Variants in CDIP1 observed in about 807,000 individuals in gnomAD.
CDIP1 encodes the protein cell death-inducing p53-target protein 1.
Under a neutral mutation model 17.7 loss-of-function variants are expected in CDIP1, and 9 were observed. The observed-to-expected ratio is 0.51, with a 90% CI of 0.31 to 0.89. CDIP1 has a LOEUF of 0.89. CDIP1 is among the 40% of genes least tolerant of loss of function. The pLI is 0.05. For synonymous variants in CDIP1, 117 were observed against 109.5 expected, an observed-to-expected ratio of 1.07 and a Z score of -0.43; for missense variants, 263 against 277.9, an observed-to-expected ratio of 0.95 and a Z score of 0.38.
At chr16:4,517,088 C>A (rs1423237754) in intron 1 of CDIP1, among the ~76,000 whole-genome samples, 1 of 152,108 alleles carries the variant, frequency 6.6e-6, no homozygotes, top group Non-Finnish European at 1.5e-5. Context: ...CACCTCTGTC[C>A]ACCGCTCTTT....
At chr16:4,527,171 T>C (rs1354120364) in intron 1 of CDIP1, among the ~76,000 whole-genome samples, 2 of 150,592 alleles carry the variant, frequency 1.3e-5, no homozygotes, top group African/African-American at 4.9e-5. Context: ...CACTGCAAGC[T>C]CCGCCTCCTG....
At chr16:4,526,398 C>T (rs947040627) in intron 1 of CDIP1, among the ~76,000 whole-genome samples, 2 of 151,298 alleles carry the variant, frequency 1.3e-5, no homozygotes. Flanking sequence ...GTCTGAGAAT[C>T]TGTCTCAAAA....
At position 4,513,839 on chromosome 16, in the gene CDIP1, G is replaced by A. The variant is rs1302821847; in HGVS notation, c.98C>T (p.Pro33Leu). Residue 33 changes from proline (P) to leucine (L), a missense_variant, in exon 4 of 6, where the codon CCA (proline) becomes CTA (leucine). Pro to Leu is a moderately conservative substitution (Grantham distance 98). Coordinates refer to ENST00000567695, the MANE Select transcript of CDIP1 (RefSeq NM_013399.3). This position sits in a 1 kb window ranked among gnomAD's most constrained non-coding sequence, Gnocchi z 4.1. The stretch of plus-strand genomic sequence containing the variant: ...GCCTGGAGGGGGCTGCATCACAGCT[G>A]GGGAGGAACGGCCTGGACAGAGAGA... ...GAPPTPGRSSPAVMQPPPGMP... is the reference protein window; with the variant it reads ...GAPPTPGRSSLAVMQPPPGMP... 1.3e-6 allele frequency: 2 copies of A among 1,582,254 alleles called. No homozygotes were observed. The highest frequency in any genetic ancestry group is 1.2e-5 in the South Asian group (1 of 85,638).
At chr16:4,525,119 A>C (rs1005241020) in intron 1 of CDIP1, among the ~76,000 whole-genome samples, 4 of 151,974 alleles carry the variant, frequency 2.6e-5, no homozygotes, top group African/African-American at 4.8e-5. Context: ...ACAAAAATAT[A>C]TCTCTACAGT....
rs2270367 is a variant in CDIP1, at chr16:4,512,724, G to A, written c.516-41C>T. ...GGAAGAACAGGCTGAGGCCTGCTGC[G>A]GAGGAGGCAGAGGCAGCCAGTTGAC... On this transcript the variant is annotated intron_variant, in intron 5 of 5. Coordinates refer to ENST00000567695, the MANE Select transcript of CDIP1 (RefSeq NM_013399.3). The surrounding 1 kb of genome is among the most constrained non-coding windows in gnomAD (Gnocchi z 4.6). The A allele has an allele frequency of 0.066, 105,302 of 1,605,032 alleles. 6,219 individuals are homozygous for A. Among genetic ancestry groups the A allele is most frequent in the East Asian group, 0.3 (13,243 of 44,678 alleles).
rs2058865763 is a variant in CDIP1, at chr16:4,514,235, A to G, written c.-14-91T>C. Reference sequence around the variant, plus strand: ...TGTGGGGTGGCCAAGATGCTGCACAAGGCGTGTGACCATCCTCAGAAGGGT... The same window carrying G: ...TGTGGGGTGGCCAAGATGCTGCACAGGGCGTGTGACCATCCTCAGAAGGGT... On this transcript the variant is annotated intron_variant, in intron 2 of 5. Coordinates refer to ENST00000567695, the MANE Select transcript of CDIP1 (RefSeq NM_013399.3). The surrounding 1 kb of genome is among the most constrained non-coding windows in gnomAD (Gnocchi z 5.2). The G allele has an allele frequency of 2.8e-6, 2 of 722,668 alleles. No homozygotes were observed. 44.8% of individuals were successfully genotyped at this position (722,668 alleles called of 1,614,324 possible).
In CDIP1 at chr16:4,513,712, G is replaced by T. The variant is rs747970511; in HGVS notation, c.225C>A (p.Gly75=). The stretch of plus-strand genomic sequence containing the variant: ...CCCACTCACCCGGAGGCATGTAGGT[G>T]CCATCTGCACTCATGTGTGGTGGGA... ...GFIPPHMSAD[G]TYMPPGFYPP... The change falls in exon 4 of 6, where the codon GGC becomes GGA. Residue 75 remains glycine, a synonymous_variant. Coordinates refer to ENST00000567695, the MANE Select transcript of CDIP1 (RefSeq NM_013399.3). This position sits in a 1 kb window ranked among gnomAD's most constrained non-coding sequence, Gnocchi z 4.1. 35 of 1,613,516 alleles carry T rather than the reference G, an allele frequency of 2.2e-5. No homozygotes were observed. Among genetic ancestry groups the T allele is most frequent in the Non-Finnish European group, 3.0e-5 (35 of 1,179,738 alleles).
chr16:4,524,680 C>T (rs2058982069), intron 1 of CDIP1, among the ~76,000 whole-genome samples: 1 of 152,238 alleles, frequency 6.6e-6, no homozygotes, highest in Non-Finnish European at 1.5e-5. Context: ...GTGCCTAGGA[C>T]AGCCATGGGA....
intron 1 of CDIP1, among the ~76,000 whole-genome samples, chr16:4,526,508 G>C (rs2059002203): frequency 6.6e-6 from 1 of 151,836 alleles, no homozygotes; most frequent in Non-Finnish European, 1.5e-5. Context: ...GGCCATCCTG[G>C]CTAACATGGT....
At chr16:4,531,191 G>A (rs911230873) in intron 1 of CDIP1, among the ~76,000 whole-genome samples, 1 of 151,962 alleles carries the variant, frequency 6.6e-6, no homozygotes, top group Non-Finnish European at 1.5e-5. Context: ...ACCACACCCA[G>A]CTAGTTTTTT....
chr16:4,536,874 G>A (rs2059112494), intron 1 of CDIP1: 1 of 152,010 alleles, frequency 6.6e-6, no homozygotes, highest in Admixed American at 6.6e-5. Flanking sequence ...AGGCTGCAGT[G>A]AACGTCGTGA....
At chr16:4,530,373 G>A (rs2059042782) in intron 1 of CDIP1, among the ~76,000 whole-genome samples, 1 of 152,180 alleles carries the variant, frequency 6.6e-6, no homozygotes, top group Non-Finnish European at 1.5e-5. Context: ...ATATAGACTG[G>A]GTGCAGTGGC....
At chr16:4,516,645 C>T (rs993167571) in intron 1 of CDIP1, among the ~76,000 whole-genome samples, 1 of 151,046 alleles carries the variant, frequency 6.6e-6, no homozygotes, top group East Asian at 1.9e-4. Context: ...GGAGCAACTG[C>T]GCCCAGCCCA....
intron 1 of CDIP1, among the ~76,000 whole-genome samples, chr16:4,524,481 G>A (rs577719889): frequency 1.3e-5 from 2 of 152,340 alleles, no homozygotes; most frequent in South Asian, 2.1e-4. Flanking sequence ...CTTTCTTAGA[G>A]TGACAAAGCT....
intron 1 of CDIP1, among the ~76,000 whole-genome samples, chr16:4,526,383 C>T (rs1292498269): frequency 6.6e-5 from 10 of 151,742 alleles, no homozygotes; most frequent in Non-Finnish European, 1.3e-4. Flanking sequence ...CCAGCCCGGG[C>T]AATAGTCTGA....
intron 1 of CDIP1, among the ~76,000 whole-genome samples, chr16:4,521,791 G>T (rs1418172492): frequency 1.3e-5 from 2 of 151,376 alleles, no homozygotes; most frequent in Admixed American, 1.3e-4. Flanking sequence ...CTTTCCAGCT[G>T]AGCGAGCTGA....
At position 4,527,090 on chromosome 16, in the gene CDIP1, C is replaced by CTT. The variant is rs760461374; in HGVS notation, c.-105+11610_-105+11611dup. The stretch of plus-strand genomic sequence containing the variant: ...CACGAGAAAAAAGAAGACACTGTTA[C>CTT]TTTTTTTTTTTTTTTTAGACGGAGT... On this transcript the variant is annotated intron_variant, in intron 1 of 5. Transcript: ENST00000567695. Among the ~76,000 whole-genome samples, 539 of 140,404 alleles carry CTT rather than the reference C, an allele frequency of 3.8e-3. 10 individuals are homozygous for CTT. Among genetic ancestry groups the CTT allele is most frequent in the African/African-American group, 0.013 (505 of 38,414 alleles). The allele number at this position is 140,404 out of a possible 152,430, so 92.1% of individuals were successfully genotyped here. A position where few individuals can be genotyped will look rare whatever the true frequency, so the allele number is the denominator to read the frequency against.
chr16:4,514,060 G>T lies in CDIP1; in HGVS notation c.71C>A (p.Ala24Asp). Residue 24 changes from alanine to aspartate, a missense_variant, in exon 3 of 6, where the codon GCC becomes GAC. Ala to Asp is a moderately radical substitution (Grantham distance 126, BLOSUM62 -2). Coordinates refer to ENST00000567695, the MANE Select transcript of CDIP1 (RefSeq NM_013399.3). This position sits in a 1 kb window ranked among gnomAD's most constrained non-coding sequence, Gnocchi z 5.2. ...TAPLLEEKSG[A>D]PPTPGRSSPA... ...TGACCCCCTACCTGGGGTGGGCGGGGCTCCACTTTTCTCTTCCAGAAGTGG... is the reference window on the plus strand; with the variant it reads ...TGACCCCCTACCTGGGGTGGGCGGGTCTCCACTTTTCTCTTCCAGAAGTGG... The T allele has an allele frequency of 3.3e-6, 5 of 1,521,928 alleles. No individual in the cohort carries two copies. The highest frequency in any genetic ancestry group is 4.4e-6 in the Non-Finnish European group (5 of 1,142,292). The allele number at this position is 1,521,928 out of a possible 1,614,324, so 94.3% of individuals were successfully genotyped here.
At chr16:4,534,064 C>T (rs185314853) in intron 1 of CDIP1, among the ~76,000 whole-genome samples, 1 of 152,110 alleles carries the variant, frequency 6.6e-6, no homozygotes, top group Admixed American at 6.5e-5. Context: ...AATTCTCCTG[C>T]CTCAGCCTCC....
Sources: allele counts gnomAD v4.1 joint callset (sites outside exome capture counted in the v4.1 genomes callset), GRCh38; gene constraint gnomAD v4.1.1; non-coding constraint Gnocchi (gnomAD v3.1); transcripts MANE v1.5; gene names NCBI Gene and HGNC (gene_info 2026-07-23, HGNC 2026-07-21).